Variants in REV3L observed in about 807,000 individuals in gnomAD.
REV3L encodes the protein REV3 like, DNA directed polymerase zeta catalytic subunit.
In REV3L, 69 loss-of-function variants were observed where a neutral mutation model predicts 299.4. That is an observed-to-expected ratio of 0.23 (90% CI 0.19 to 0.28). The LOEUF (loss-of-function observed/expected upper bound fraction) is 0.28. REV3L is among the 10% of genes least tolerant of loss of function. REV3L has a pLI of 1.00. For synonymous variants in REV3L, 1,238 were observed against 1,271.4 expected (o/e 0.97, Z 0.56); for missense variants, 3,128 against 3,693.8 (o/e 0.85, Z 3.97).
At position 111,322,630 on chromosome 6, in the gene REV3L, T is replaced by C. The variant is rs1774304457; in HGVS notation, c.8290A>G (p.Ile2764Val). The C allele has an allele frequency of 3.1e-6, 5 of 1,614,150 alleles. No individual in the cohort carries two copies. The highest frequency in any genetic ancestry group is 4.2e-6 in the Non-Finnish European group (5 of 1,179,998). Residue 2764 changes from isoleucine (I) to valine (V), a missense_variant, in exon 26 of 32, where the codon ATT becomes GTT. This residue lies in a region of REV3L where 37 missense variants were observed against 100.1 expected (regional missense o/e 0.37). Coordinates refer to ENST00000368802, the MANE Select transcript of REV3L (RefSeq NM_001372078.1). ...HKARETLERA[I>V]KLVNDTKKWG... ...TTCTTGGTATCATTCACCAGTTTAATAGCTCGTTCCAAGGTCTCTCTGGCT... is the reference window on the plus strand; with the variant it reads ...TTCTTGGTATCATTCACCAGTTTAACAGCTCGTTCCAAGGTCTCTCTGGCT...
Position 111,422,605 on chromosome 6 carries a change from TATATATACACATATATATATATATACAC to T in REV3L, c.140-6161_140-6134del, listed in dbSNP as rs1562286884. Among the ~76,000 whole-genome samples the T allele has an allele frequency of 4.0e-3, 79 of 19,816 alleles. 4 individuals are homozygous for T. Among genetic ancestry groups the T allele is most frequent in the African/African-American group, 0.013 (75 of 5,704 alleles). The allele number at this position is 19,816 out of a possible 152,430, so 13.0% of individuals were successfully genotyped here. On this transcript the variant is annotated intron_variant, in intron 1 of 31. Transcript: ENST00000368802. ...ATATATATATATATACACATATATA[TATATATACACATATATATATATATACAC>T]ATATATATATATATACATATATATA...
intron 1 of REV3L, among the ~76,000 whole-genome samples, chr6:111,474,501 A>G (rs1413227055): frequency 6.6e-6 from 1 of 152,210 alleles, no homozygotes; most frequent in African/African-American, 2.4e-5. Context: ...TCCAAGTAGT[A>G]AGGCACACCT....
chr6:111,448,498 C>A (rs947733771), intron 1 of REV3L, among the ~76,000 whole-genome samples: 2 of 152,104 alleles, frequency 1.3e-5, no homozygotes, highest in Non-Finnish European at 2.9e-5. Context: ...CCACACCCAG[C>A]TAATTTTTGT....
Position 111,376,626 on chromosome 6 carries a change from A to G in REV3L, c.1729T>C (p.Phe577Leu). ...AGGGCACTTGTGTGTTTACACTGAA[A>G]GGTAATCTTAGCAGAAGATGAGGGT... is the stretch of plus-strand genomic sequence containing the variant. ...LEPSSSAKITFQCKHTSALSS... is the reference protein window; with the variant it reads ...LEPSSSAKITLQCKHTSALSS... The change falls in exon 13 of 32, where the codon TTT becomes CTT. Residue 577 changes from phenylalanine to leucine, a missense_variant. Physicochemically the swap from Phe to Leu is conservative, Grantham distance 22. Coordinates refer to ENST00000368802, the MANE Select transcript of REV3L (RefSeq NM_001372078.1). 1 of 1,613,222 alleles carries G rather than the reference A, an allele frequency of 6.2e-7. No homozygotes were observed. Among genetic ancestry groups the G allele is most frequent in the Non-Finnish European group, 8.5e-7 (1 of 1,179,872 alleles).
intron 1 of REV3L, among the ~76,000 whole-genome samples, chr6:111,456,538 G>GA (rs1790181394): frequency 6.6e-6 from 1 of 152,094 alleles, no homozygotes; most frequent in Non-Finnish European, 1.5e-5. Context: ...GCCAGCTACT[G>GA]AAACATGGGT....
At chr6:111,313,995 TCA>T (rs1174702767) in intron 27 of REV3L, among the ~76,000 whole-genome samples, 2 of 152,242 alleles carry the variant, frequency 1.3e-5, no homozygotes, top group Non-Finnish European at 2.9e-5. Flanking sequence ...CTTTGTGCTC[TCA>T]CAGTGTTTAA....
At chr6:111,386,237 A>G (rs1781330606) in intron 9 of REV3L, among the ~76,000 whole-genome samples, 1 of 152,348 alleles carries the variant, frequency 6.6e-6, no homozygotes, top group Non-Finnish European at 1.5e-5. Context: ...ACCATCTAAT[A>G]CTTGTAGAGA....
Position 111,299,934 on chromosome 6 carries a change from G to T in REV3L, c.*82C>A, listed in dbSNP as rs1028841244. The T allele has an allele frequency of 7.3e-7, 1 of 1,363,212 alleles. No individual in the cohort carries two copies. The highest frequency in any genetic ancestry group is 1.0e-6 in the Non-Finnish European group (1 of 1,003,064). The allele number at this position is 1,363,212 out of a possible 1,614,324, so 84.4% of individuals were successfully genotyped here. ...AGACAGTGAACATCCTTGACTCGAT[G>T]AAAGTTAAAAAGCACCATGCACAAC... On this transcript the variant is annotated 3_prime_UTR_variant, in exon 32 of 32. Transcript: ENST00000368802.
At chr6:111,349,463 G>GA (rs1777367291) in intron 19 of REV3L, 127 bp from the exon 20 acceptor site, 1 of 465,816 alleles carries the variant, frequency 2.1e-6, no homozygotes, top group East Asian at 3.3e-5. Flanking sequence ...CACAATGTAT[G>GA]AAAAAATTTT....
At position 111,422,663 on chromosome 6, in the gene REV3L, CATATATATATATATACGTAT is replaced by C. The variant is rs1785657140; in HGVS notation, c.140-6211_140-6192del. On this transcript the variant is annotated intron_variant, in intron 1 of 31. Coordinates refer to ENST00000368802, the MANE Select transcript of REV3L (RefSeq NM_001372078.1). ...ATATATATATACATATATATATATA[CATATATATATATATACGTAT>C]ATATATATATATATATATTTCCCCC... is the stretch of plus-strand genomic sequence containing the variant. Among the ~76,000 whole-genome samples, 15 of 17,872 alleles carry C rather than the reference CATATATATATATATACGTAT, an allele frequency of 8.4e-4. 1 individual carries two copies. The highest frequency in any genetic ancestry group is 1.7e-3 in the African/African-American group (14 of 8,236). 11.7% of individuals were successfully genotyped at this position (17,872 alleles called of 152,430 possible).
At chr6:111,465,759 A>AAAAC (rs1554250460) in intron 1 of REV3L, among the ~76,000 whole-genome samples, 4 of 151,118 alleles carry the variant, frequency 2.6e-5, no homozygotes, top group African/African-American at 9.7e-5. Flanking sequence ...AAAAAAAAAA[A>AAAAC]AAAAAAACTT....
chr6:111,431,141 C>G lies in REV3L; in HGVS notation c.140-14669G>C, dbSNP rs60132033. On this transcript the variant is annotated intron_variant, in intron 1 of 31. Transcript: ENST00000368802. ...ACCTATGGGGAAGACACAGATCTTC[C>G]AAGCGATCTCAGCAGCCATGAGTTT... 427 of 1,527,236 alleles carry G rather than the reference C, an allele frequency of 2.8e-4. 3 individuals carry two copies. The African/African-American group carries it at 5.0e-3, about 18-fold the overall frequency. 94.6% of individuals were successfully genotyped at this position (1,527,236 alleles called of 1,614,324 possible).
chr6:111,395,285 G>A (rs190249154), intron 4 of REV3L, among the ~76,000 whole-genome samples: 1 of 152,150 alleles, frequency 6.6e-6, no homozygotes, highest in Admixed American at 6.5e-5. Context: ...TGAATCTTTA[G>A]ATTTTATTGG....
intron 4 of REV3L, among the ~76,000 whole-genome samples, chr6:111,397,917 C>T (rs1782692200): frequency 1.3e-5 from 2 of 151,848 alleles, no homozygotes; most frequent in African/African-American, 4.8e-5. Context: ...GCTTACGGTG[C>T]CCGGCTCTAA....
chr6:111,369,927 C>T (rs1779617581), intron 13 of REV3L, among the ~76,000 whole-genome samples: 1 of 151,714 alleles, frequency 6.6e-6, no homozygotes, highest in Non-Finnish European at 1.5e-5. Flanking sequence ...ACCTCTGACT[C>T]CCTGGTTCAA....
At chr6:111,453,686 T>C (rs555452973) in intron 1 of REV3L, among the ~76,000 whole-genome samples, 2 of 152,138 alleles carry the variant, frequency 1.3e-5, no homozygotes, top group African/African-American at 4.8e-5. Context: ...TGTGATATTT[T>C]AAAGTTATGT....
At chr6:111,328,646 G>A (rs1003988579) in intron 25 of REV3L, among the ~76,000 whole-genome samples, 1 of 152,116 alleles carries the variant, frequency 6.6e-6, no homozygotes, top group Admixed American at 6.5e-5. Flanking sequence ...AGATCCCCAA[G>A]AATATATATA....
chr6:111,299,409 AAAT>A lies in REV3L; in HGVS notation c.*604_*606del, dbSNP rs921844845. 1.5e-5 allele frequency: 2 copies of A among 134,104 alleles called. No homozygotes were observed. Among genetic ancestry groups the A allele is most frequent in the African/African-American group, 5.2e-5 (2 of 38,266 alleles). 8.3% of individuals were successfully genotyped at this position (134,104 alleles called of 1,614,324 possible). ...AAGCAAGACAGCATTTTTTAAAAAA[AAAT>A]AATGTTTCAAAATGCTACACGTGGT... On this transcript the variant is annotated 3_prime_UTR_variant, in exon 32 of 32. Coordinates refer to ENST00000368802, the MANE Select transcript of REV3L (RefSeq NM_001372078.1).
chr6:111,411,414 ATTTT>A (rs961977534), intron 3 of REV3L, 62 bp downstream of exon 3: 1 of 1,092,326 alleles, frequency 9.2e-7, no homozygotes, highest in Non-Finnish European at 1.3e-6. Context: ...TTCTTTCTAG[ATTTT>A]TTTTATTATT....
Sources: allele counts gnomAD v4.1 joint callset (sites outside exome capture counted in the v4.1 genomes callset), GRCh38; gene constraint gnomAD v4.1.1; regional missense constraint gnomAD v4.1.1; transcripts MANE v1.5; gene names NCBI Gene and HGNC (gene_info 2026-07-23, HGNC 2026-07-21).